The following MRTFB variants were observed in gnomAD, a reference collection of about 807,000 sequenced individuals.
The protein encoded by MRTFB is myocardin-related transcription factor B.
Under a neutral mutation model 104.2 loss-of-function variants are expected in MRTFB, and 29 were observed. The observed-to-expected ratio is 0.28, with a 90% CI of 0.21 to 0.38. MRTFB has a LOEUF of 0.38. Ranked by LOEUF, MRTFB falls within the 10% of genes least tolerant of loss-of-function variation. The pLI is 1.00. For missense variants in MRTFB, 1,270 were observed against 1,341.6 expected, an observed-to-expected ratio of 0.95 and a Z score of 0.83; for synonymous variants, 535 against 519.5, an observed-to-expected ratio of 1.03 and a Z score of -0.41.
intron 12 of MRTFB, chr16:14,247,987 C>G (rs2043097522): frequency 1.3e-5 from 2 of 156,498 alleles, no homozygotes; most frequent in African/African-American, 4.8e-5. Context: ...CCCAGGTGTT[C>G]TGCCCGCAGA....
chr16:14,042,614 T>C, the MRTFB span, among the ~76,000 whole-genome samples: 1 of 152,118 alleles, frequency 6.6e-6, no homozygotes, highest in East Asian at 1.9e-4. Context: ...CAGAGACTTG[T>C]GTGGTTGTGT....
At chr16:14,213,191 G>A (rs2041271028) in intron 5 of MRTFB, among the ~76,000 whole-genome samples, 1 of 152,074 alleles carries the variant, frequency 6.6e-6, no homozygotes, top group Admixed American at 6.5e-5. Context: ...TTATCTAGGT[G>A]GATTTTTACT....
the MRTFB span, among the ~76,000 whole-genome samples, chr16:14,034,847 C>T: frequency 5.3e-5 from 8 of 152,118 alleles, no homozygotes; most frequent in Non-Finnish European, 1.2e-4. Context: ...GGACACAATT[C>T]GACCCCTAAC....
chr16:14,045,400 C>T, the MRTFB span, among the ~76,000 whole-genome samples: 10 of 152,160 alleles, frequency 6.6e-5, no homozygotes, highest in Non-Finnish European at 7.3e-5. Flanking sequence ...TCTACACTCT[C>T]CACTCCACTG....
chr16:14,243,389 G>A lies in MRTFB; in HGVS notation c.1080-2139G>A, dbSNP rs551003386. ...CTCACCCAACTATGGCTGTCACCCC[G>A]TAGGCACTGTCACCTCAAATCCCTG... is the stretch of plus-strand genomic sequence containing the variant. On this transcript the variant is annotated intron_variant, in intron 10 of 16. Coordinates refer to ENST00000571589, the MANE Select transcript of MRTFB (RefSeq NM_001308142.2). 1.1e-4 allele frequency among the ~76,000 whole-genome samples: 17 copies of A among 152,270 alleles called. No individual in the cohort carries two copies. The East Asian group carries it at 2.9e-3, about 26-fold the overall frequency.
intron 2 of MRTFB, among the ~76,000 whole-genome samples, chr16:14,136,137 T>G (rs564500957): frequency 6.6e-6 from 1 of 152,040 alleles, no homozygotes; most frequent in Admixed American, 6.6e-5. Context: ...TAGCCGGGCG[T>G]GGTGGTGGTG....
chr16:14,112,110 C>G (rs1051492591), intron 2 of MRTFB, among the ~76,000 whole-genome samples: 2 of 151,668 alleles, frequency 1.3e-5, no homozygotes, highest in Non-Finnish European at 2.9e-5. Flanking sequence ...GAAGCTCTGC[C>G]GAACAGGTAT....
At chr16:13,997,252 A>C in the MRTFB span, among the ~76,000 whole-genome samples, 1 of 152,222 alleles carries the variant, frequency 6.6e-6, no homozygotes, top group East Asian at 1.9e-4. Context: ...ATTCTCAAAG[A>C]AGCAGTTAGC....
the MRTFB span, among the ~76,000 whole-genome samples, chr16:14,056,097 G>A: frequency 6.6e-6 from 1 of 152,134 alleles, no homozygotes; most frequent in African/African-American, 2.4e-5. Flanking sequence ...TCATGCTTCA[G>A]CTTCCCAACA....
At chr16:14,165,066 G>A (rs1223316560) in intron 3 of MRTFB, among the ~76,000 whole-genome samples, 1 of 151,814 alleles carries the variant, frequency 6.6e-6, no homozygotes, top group East Asian at 1.9e-4. Context: ...GGTTGCTGCT[G>A]TCTTGGCTCC....
chr16:14,006,248 C>G, the MRTFB span, among the ~76,000 whole-genome samples: 1 of 151,990 alleles, frequency 6.6e-6, no homozygotes, highest in Non-Finnish European at 1.5e-5. Flanking sequence ...GAGGCTGAGG[C>G]AGGAGAACCA....
chr16:14,258,426 C>T (rs769977163), intron 16 of MRTFB, among the ~76,000 whole-genome samples: 46 of 152,108 alleles, frequency 3.0e-4, no homozygotes, highest in Non-Finnish European at 5.9e-4. Context: ...GAGACCTCAT[C>T]TCTACAAAAA....
the MRTFB span, among the ~76,000 whole-genome samples, chr16:14,060,774 G>A: frequency 6.6e-6 from 1 of 152,114 alleles, no homozygotes; most frequent in Non-Finnish European, 1.5e-5. Context: ...GAATCAGTGA[G>A]CAAGTGACCA....
At chr16:14,130,727 A>G (rs567184792) in intron 2 of MRTFB, among the ~76,000 whole-genome samples, 1 of 152,330 alleles carries the variant, frequency 6.6e-6, no homozygotes, top group East Asian at 1.9e-4. Context: ...TAATAAAGAC[A>G]TACCCAAGAC....
chr16:14,073,389 A>C (rs1429491145), intron 1 of MRTFB, among the ~76,000 whole-genome samples: 1 of 152,224 alleles, frequency 6.6e-6, no homozygotes, highest in Non-Finnish European at 1.5e-5. Flanking sequence ...TCCTTGGAGA[A>C]CCACTCCAAA....
chr16:14,073,581 G>C (rs543527464), intron 1 of MRTFB, among the ~76,000 whole-genome samples: 1 of 152,200 alleles, frequency 6.6e-6, no homozygotes, highest in Non-Finnish European at 1.5e-5. Flanking sequence ...TGGGAGGTCA[G>C]GTTAGTACCT....
intron 2 of MRTFB, among the ~76,000 whole-genome samples, chr16:14,105,599 G>C (rs1383984358): frequency 2.0e-5 from 3 of 151,972 alleles, no homozygotes; most frequent in Admixed American, 1.3e-4. Flanking sequence ...GGGTCTCACT[G>C]TGTTGCCCAG....
the MRTFB span, among the ~76,000 whole-genome samples, chr16:14,006,902 A>C: frequency 2.0e-5 from 3 of 152,006 alleles, no homozygotes; most frequent in African/African-American, 7.2e-5. Context: ...CTATAGTCTC[A>C]GCTACTTGGG....
At chr16:14,215,627 A>T (rs1023372689) in intron 6 of MRTFB, among the ~76,000 whole-genome samples, 4 of 152,264 alleles carry the variant, frequency 2.6e-5, no homozygotes, top group African/African-American at 9.6e-5. Flanking sequence ...GCATTGAAAT[A>T]TCAACCTGAG....
Sources: allele counts gnomAD v4.1 joint callset (sites outside exome capture counted in the v4.1 genomes callset), GRCh38; gene constraint gnomAD v4.1.1; transcripts MANE v1.5; gene names NCBI Gene and HGNC (gene_info 2026-07-23, HGNC 2026-07-21).